ARHGEF11: variants seen among roughly 807,000 people sequenced by gnomAD.
The protein encoded by ARHGEF11 is Rho guanine exchange factor (GEF) 11.
Under a neutral mutation model 193.7 loss-of-function variants are expected in ARHGEF11, and 55 were observed. That is an observed-to-expected ratio of 0.28 (90% CI 0.23 to 0.36). The LOEUF (loss-of-function observed/expected upper bound fraction) is 0.36, where lower values mean the gene tolerates loss of function less well. Ranked by LOEUF, ARHGEF11 falls within the 10% of genes least tolerant of loss-of-function variation. The pLI, the probability that ARHGEF11 is intolerant of heterozygous loss-of-function variation, is 1.00. For synonymous variants in ARHGEF11, 693 were observed against 768.0 expected (o/e 0.90, Z 1.62); for missense variants, 1,723 against 2,005.6 (o/e 0.86, Z 2.69).
chr1:156,983,267 G>A (rs571433670), intron 3 of ARHGEF11, among the ~76,000 whole-genome samples: 1 of 152,124 alleles, frequency 6.6e-6, no homozygotes, highest in East Asian at 1.9e-4. Flanking sequence ...CAGTCACCCA[G>A]GCTGAAGTGC....
At chr1:156,989,406 C>CA (rs1665400935) in intron 1 of ARHGEF11, among the ~76,000 whole-genome samples, 1 of 152,196 alleles carries the variant, frequency 6.6e-6, no homozygotes, top group Non-Finnish European at 1.5e-5. Context: ...TCCACCACCA[C>CA]AGACTAACTT....
intron 1 of ARHGEF11, among the ~76,000 whole-genome samples, chr1:157,030,034 T>C (rs1445653173): frequency 6.6e-6 from 1 of 152,110 alleles, no homozygotes; most frequent in Non-Finnish European, 1.5e-5. Flanking sequence ...AAGGTTTCTT[T>C]GGGGGTGATT....
chr1:156,958,992 C>T (rs140060267), intron 16 of ARHGEF11, 54 bp downstream of exon 16: 1 of 1,610,844 alleles, frequency 6.2e-7, no homozygotes, highest in Non-Finnish European at 8.5e-7. Context: ...GGAGCCAGGG[C>T]CAAGAGGCGG....
Position 156,951,569 on chromosome 1 carries a change from C to CT in ARHGEF11, c.1925+3dup, listed in dbSNP as rs1393056068. The CT allele has an allele frequency of 6.2e-7, 1 of 1,613,628 alleles. No individual in the cohort carries two copies. The highest frequency in any genetic ancestry group is 8.5e-7 in the Non-Finnish European group (1 of 1,179,928). ...GCTGGCGAGTCCCATCCAGCCAGTG[C>CT]TACCTGTCACTCTCCAGCAGGTCCT... On this transcript the variant is annotated splice_donor_region_variant and intron_variant, in intron 22 of 40. Transcript: ENST00000368194.
At chr1:156,969,097 T>C (rs1016140525) in intron 10 of ARHGEF11, among the ~76,000 whole-genome samples, 185 bp downstream of exon 10, 1 of 152,232 alleles carries the variant, frequency 6.6e-6, no homozygotes, top group Non-Finnish European at 1.5e-5. Context: ...TTTGATAATC[T>C]TGCATGTTGG....
At chr1:156,945,470 G>C (rs1447398096) in intron 29 of ARHGEF11, 1 of 473,956 alleles carries the variant, frequency 2.1e-6, no homozygotes, top group East Asian at 3.9e-5. Flanking sequence ...ACAGATGCAA[G>C]GGACAGAGAC....
chr1:157,035,777 AAT>A (rs1167719189), intron 1 of ARHGEF11, among the ~76,000 whole-genome samples: 94 of 115,916 alleles, frequency 8.1e-4, no homozygotes, highest in Non-Finnish European at 1.1e-3. Context: ...TATATACAGG[AAT>A]ATATATATAT....
chr1:156,958,681 C>G (rs1245213616), intron 17 of ARHGEF11, 61 bp downstream of exon 17: 2 of 1,607,072 alleles, frequency 1.2e-6, no homozygotes, highest in African/African-American at 1.3e-5. Flanking sequence ...AGAACAGACC[C>G]ACAAAATATG....
intron 1 of ARHGEF11, among the ~76,000 whole-genome samples, chr1:157,023,512 TCTC>T (rs1220702509): frequency 6.6e-6 from 1 of 152,166 alleles, no homozygotes; most frequent in Non-Finnish European, 1.5e-5. Context: ...ACGCCTGTAA[TCTC>T]AACACTTTGG....
chr1:157,029,968 T>C (rs917492496), intron 1 of ARHGEF11, among the ~76,000 whole-genome samples: 2 of 151,946 alleles, frequency 1.3e-5, no homozygotes, highest in Non-Finnish European at 2.9e-5. Context: ...AAAAGTAGAT[T>C]AGTGGTTTTC....
At chr1:157,034,272 G>T (rs751983884) in intron 1 of ARHGEF11, among the ~76,000 whole-genome samples, 1 of 152,146 alleles carries the variant, frequency 6.6e-6, no homozygotes, top group African/African-American at 2.4e-5. Context: ...GCAGTCTCTT[G>T]GGGGGAAGTT....
At chr1:156,964,283 C>T (rs529637459) in intron 11 of ARHGEF11, among the ~76,000 whole-genome samples, 1 of 152,210 alleles carries the variant, frequency 6.6e-6, no homozygotes, top group Non-Finnish European at 1.5e-5. Context: ...AATGGACATG[C>T]CATGGATTAG....
At chr1:156,979,080 C>T (rs1663705779) in intron 5 of ARHGEF11, 149 bp downstream of exon 5, 1 of 708,944 alleles carries the variant, frequency 1.4e-6, no homozygotes, top group Non-Finnish European at 2.5e-6. Flanking sequence ...GTGGATCACT[C>T]CATGTTACGA....
intron 22 of ARHGEF11, among the ~76,000 whole-genome samples, chr1:156,951,296 A>G (rs1393596126): frequency 1.3e-5 from 2 of 152,142 alleles, no homozygotes; most frequent in African/African-American, 4.8e-5. Flanking sequence ...TCGATCTTGG[A>G]TGAAGGCTAC....
intron 1 of ARHGEF11, among the ~76,000 whole-genome samples, chr1:157,008,677 A>C (rs1271045091): frequency 1.3e-5 from 2 of 152,224 alleles, no homozygotes; most frequent in Non-Finnish European, 2.9e-5. Flanking sequence ...CTATTCCAGG[A>C]GGACGGTGAA....
chr1:157,007,913 G>GTTTTTTTTTTTTTTTTTTTTTTT (rs10580966), intron 1 of ARHGEF11, among the ~76,000 whole-genome samples: 1 of 118,846 alleles, frequency 8.4e-6, no homozygotes. Context: ...TTTTTTTTTT[G>GTTTTTTTTTTTTTTTTTTTTTTT]TTTTTTTTTT....
At chr1:156,941,782 G>A (rs1052587004) in intron 34 of ARHGEF11, 82 bp downstream of exon 34, 26 of 1,514,476 alleles carry the variant, frequency 1.7e-5, no homozygotes, top group Middle Eastern at 2.4e-4. Context: ...GTCTACCCAC[G>A]GGGGCGAAGG....
At chr1:157,024,098 G>A (rs1172797444) in intron 1 of ARHGEF11, among the ~76,000 whole-genome samples, 1 of 10,572 alleles carries the variant, frequency 9.5e-5, no homozygotes, top group Admixed American at 2.0e-3. Flanking sequence ...ATATTAATTG[G>A]CATAAAAAAA....
intron 1 of ARHGEF11, among the ~76,000 whole-genome samples, chr1:157,030,914 T>C (rs1464882952): frequency 6.6e-6 from 1 of 152,034 alleles, no homozygotes; most frequent in Non-Finnish European, 1.5e-5. Flanking sequence ...CAAGCTTCCA[T>C]TCTTCTCTTG....
Sources: gnomAD v4.1 joint callset for allele counts (sites outside exome capture counted in the v4.1 genomes callset) on GRCh38, gnomAD v4.1.1 for gene constraint, MANE v1.5 for transcripts, NCBI Gene and HGNC (gene_info 2026-07-23, HGNC 2026-07-21) for gene names.